The following PCDHGB1 variants were observed in gnomAD, a reference collection of about 807,000 sequenced individuals.
PCDHGB1 encodes the protein protocadherin gamma-B1.
PCDHGB1 carries 34 observed loss-of-function variants against 56.6 expected under a neutral mutation model. The observed-to-expected ratio is 0.60, with a 90% CI of 0.46 to 0.80. PCDHGB1 has a LOEUF of 0.80. Among genes scored for constraint, PCDHGB1 ranks in the 30% least tolerant of loss-of-function variants. The pLI is 0.00. For missense variants in PCDHGB1, 1,278 were observed against 1,204.6 expected (o/e 1.06, Z -0.90); for synonymous variants, 561 against 505.9 (o/e 1.11, Z -1.46).
At chr5:141,460,983 G>GTGTGTA (rs1554142949) in intron 1 of PCDHGB1, among the ~76,000 whole-genome samples, 82 of 137,842 alleles carry the variant, frequency 5.9e-4, no homozygotes, top group African/African-American at 1.9e-3. Flanking sequence ...GTGTGTGTGT[G>GTGTGTA]TATATATATA....
In PCDHGB1 at chr5:141,495,049, T is replaced by G. The variant is rs543734863; in HGVS notation, c.2468+184T>G. ...CCCCGGAAGGAAGAGGCGACTGCCC[T>G]GACTGTTCAGGAAGCTCAATTCACA... On this transcript the variant is annotated intron_variant, in intron 2 of 3. Coordinates refer to ENST00000523390, the MANE Select transcript of PCDHGB1 (RefSeq NM_018922.3). Among the ~76,000 whole-genome samples the G allele has an allele frequency of 5.6e-4, 86 of 152,312 alleles. 1 individual carries two copies. Among genetic ancestry groups the G allele is most frequent in the African/African-American group, 1.6e-3 (65 of 41,578 alleles).
intron 1 of PCDHGB1, chr5:141,492,005 C>A (rs1444993907): frequency 3.1e-6 from 2 of 642,268 alleles, no homozygotes; most frequent in African/African-American, 3.8e-5. Flanking sequence ...GGGCGATTTC[C>A]GCGGGTGTCG....
chr5:141,492,894 G>A (rs2099744893), intron 1 of PCDHGB1, among the ~76,000 whole-genome samples: 1 of 152,202 alleles, frequency 6.6e-6, no homozygotes, highest in Admixed American at 6.5e-5. Flanking sequence ...GGCTTTTGGC[G>A]CCGTCGTGAT....
intron 1 of PCDHGB1, chr5:141,475,850 G>A (rs2099376325): frequency 1.9e-5 from 9 of 464,524 alleles, no homozygotes; most frequent in Middle Eastern, 5.9e-4. Context: ...AGAGAGCCCG[G>A]CGCTAGCTCA....
At position 141,351,964 on chromosome 5, in the gene PCDHGB1, C is replaced by T. The variant is rs1422191301; in HGVS notation, c.1704C>T (p.Ser568=). 5.6e-6 allele frequency: 9 copies of T among 1,612,616 alleles called. No individual in the cohort carries two copies. The highest frequency in any genetic ancestry group is 1.7e-5 in the Admixed American group (1 of 59,978). ...VLYPALGPDG[S]ALFDMVPRAA... Reference sequence around the variant, plus strand: ...ACCCCGCGCTGGGGCCTGATGGCTCCGCCCTCTTCGATATGGTGCCACGCG... The same window carrying T: ...ACCCCGCGCTGGGGCCTGATGGCTCTGCCCTCTTCGATATGGTGCCACGCG... The change falls in exon 1 of 4, where the codon TCC becomes TCT. Residue 568 remains serine, a synonymous_variant. Transcript: ENST00000523390.
At chr5:141,366,786 A>T in intron 1 of PCDHGB1, 3 of 1,575,572 alleles carry the variant, frequency 1.9e-6, no homozygotes, top group Non-Finnish European at 2.6e-6. Context: ...TGACCAGAAC[A>T]TTTTCATTTG....
In PCDHGB1 at chr5:141,511,112, G is replaced by C. The variant is rs767257788; in HGVS notation, c.2723G>C (p.Gly908Ala). The change falls in exon 4 of 4, where the codon GGC becomes GCC. Residue 908 changes from glycine (G) to alanine (A), a missense_variant. Coordinates refer to ENST00000523390, the MANE Select transcript of PCDHGB1 (RefSeq NM_018922.3). ...TLTNAAGKRD[G>A]KAPAGGNGNK... The stretch of plus-strand genomic sequence containing the variant: ...ACCAACGCAGCTGGCAAGCGGGATG[G>C]CAAGGCCCCAGCAGGTGGCAATGGC... The C allele has an allele frequency of 4.3e-6, 7 of 1,614,232 alleles. No homozygotes were observed. Among genetic ancestry groups the C allele is most frequent in the Non-Finnish European group, 5.9e-6 (7 of 1,180,024 alleles).
rs760676891 is a variant in PCDHGB1, at chr5:141,413,180, CCGCTCAAAGGAAT to C, written c.2409+60526_2409+60538del. The C allele has an allele frequency of 6.9e-5, 111 of 1,602,612 alleles. No individual in the cohort carries two copies. The East Asian group carries it at 9.6e-4, about 14-fold the overall frequency. ...GAATTCTGTAACCAGACTACAATGG[CCGCTCAAAGGAAT>C]CGCTCAAAGGAATCAAAGGATTGCA... On this transcript the variant is annotated intron_variant, in intron 1 of 3. Transcript: ENST00000523390.
In PCDHGB1 at chr5:141,409,431, T is replaced by C. The variant is rs191277647; in HGVS notation, c.2409+56762T>C. 41 of 1,614,006 alleles carry C rather than the reference T, an allele frequency of 2.5e-5. No homozygotes were observed. In the African/African-American group the frequency reaches 3.9e-4, roughly 15 times the overall value. Reference sequence around the variant, plus strand: ...TACAAACTGGTGACAGATGGAGCCCTGGACCGAGAGCAGACACCAGAATAC... The same window carrying C: ...TACAAACTGGTGACAGATGGAGCCCCGGACCGAGAGCAGACACCAGAATAC... On this transcript the variant is annotated intron_variant, in intron 1 of 3. Transcript: ENST00000523390.
chr5:141,350,551 T>A lies in PCDHGB1; in HGVS notation c.291T>A (p.Leu97=). The A allele has an allele frequency of 1.2e-6, 2 of 1,614,040 alleles. No individual in the cohort carries two copies. The highest frequency in any genetic ancestry group is 1.7e-6 in the Non-Finnish European group (2 of 1,179,896). Residue 97 remains leucine (L), a synonymous_variant, in exon 1 of 4, where the codon CTT becomes CTA. Coordinates refer to ENST00000523390, the MANE Select transcript of PCDHGB1 (RefSeq NM_018922.3). ...GAGAGAAGATTTGCGGAAGGAAACTTGAGTGTGCACTAGAATTCGAAACGG... is the reference window on the plus strand; with the variant it reads ...GAGAGAAGATTTGCGGAAGGAAACTAGAGTGTGCACTAGAATTCGAAACGG... ...IDREKICGRK[L]ECALEFETVA...
Position 141,350,193 on chromosome 5 carries a change from T to C in PCDHGB1, c.-68T>C, listed in dbSNP as rs987250508. The C allele has an allele frequency of 7.1e-7, 1 of 1,401,174 alleles. No homozygotes were observed. Among genetic ancestry groups the C allele is most frequent in the Admixed American group, 2.8e-5 (1 of 35,364 alleles). 86.8% of individuals were successfully genotyped at this position (1,401,174 alleles called of 1,614,324 possible). A position where few individuals can be genotyped will look rare whatever the true frequency, so the allele number is the denominator to read the frequency against. On this transcript the variant is annotated 5_prime_UTR_variant, in exon 1 of 4. Coordinates refer to ENST00000523390, the MANE Select transcript of PCDHGB1 (RefSeq NM_018922.3). The stretch of plus-strand genomic sequence containing the variant: ...AAGTCCTAAGCTCAAATCACAGAAG[T>C]CCAGGGTGCTGCCATTTCTTTTTGA...
In PCDHGB1 at chr5:141,365,249, C is replaced by T. The variant is rs1445885867; in HGVS notation, c.2409+12580C>T. On this transcript the variant is annotated intron_variant, in intron 1 of 3. Coordinates refer to ENST00000523390, the MANE Select transcript of PCDHGB1 (RefSeq NM_018922.3). ...GGGGGAAATCTCAACTCTACAATCACTGGACTATGAAGAATCCAGATTCTA... is the reference window on the plus strand; with the variant it reads ...GGGGGAAATCTCAACTCTACAATCATTGGACTATGAAGAATCCAGATTCTA... The T allele has an allele frequency of 2.5e-6, 4 of 1,613,860 alleles. No individual in the cohort carries two copies. In the East Asian group the frequency reaches 8.9e-5, roughly 36 times the overall value.
intron 1 of PCDHGB1, chr5:141,390,095 TC>T (rs1456939693): frequency 6.2e-7 from 1 of 1,613,972 alleles, no homozygotes; most frequent in Non-Finnish European, 8.5e-7. Context: ...AATCCGTGGT[TC>T]CCCCCAACTA....
chr5:141,389,790 G>C (rs1328126483), intron 1 of PCDHGB1: 1 of 1,613,470 alleles, frequency 6.2e-7, no homozygotes, highest in South Asian at 1.1e-5. Context: ...CAGGGACGCC[G>C]TCCGCCAGCG....
rs772444495 is a variant in PCDHGB1 at position 141,491,766 on chromosome 5, T to C, written c.2410-3041T>C. 14 of 1,567,738 alleles carry C rather than the reference T, an allele frequency of 8.9e-6. No homozygotes were observed. The African/African-American group carries it at 1.6e-4, about 18-fold the overall frequency. ...GCACTGGAGAAGCCGCCCGTCCTCA[T>C]AAGGGATTGAACTTGCATCCACTCC... On this transcript the variant is annotated intron_variant, in intron 1 of 3. Coordinates refer to ENST00000523390, the MANE Select transcript of PCDHGB1 (RefSeq NM_018922.3). The surrounding 1 kb of genome is among the most constrained non-coding windows in gnomAD (Gnocchi z 6.9).
chr5:141,474,703 C>A (rs2099353282), intron 1 of PCDHGB1, among the ~76,000 whole-genome samples: 1 of 152,188 alleles, frequency 6.6e-6, no homozygotes, highest in African/African-American at 2.4e-5. Flanking sequence ...GTTCAAGGTT[C>A]TATTATACTT....
chr5:141,415,907 T>C, intron 1 of PCDHGB1: 1 of 779,592 alleles, frequency 1.3e-6, no homozygotes. Context: ...CAGACTTCCA[T>C]ACAGAAGTGC....
At chr5:141,397,361 G>A (rs2093513931) in intron 1 of PCDHGB1, among the ~76,000 whole-genome samples, 1 of 152,164 alleles carries the variant, frequency 6.6e-6, no homozygotes. Flanking sequence ...TCAGGAAGAG[G>A]AGATGTTTGG....
chr5:141,491,763 T>C lies in PCDHGB1; in HGVS notation c.2410-3044T>C. 1 of 1,570,222 alleles carries C rather than the reference T, an allele frequency of 6.4e-7. No homozygotes were observed. Among genetic ancestry groups the C allele is most frequent in the Non-Finnish European group, 8.6e-7 (1 of 1,159,286 alleles). Reference sequence around the variant, plus strand: ...GCGGCACTGGAGAAGCCGCCCGTCCTCATAAGGGATTGAACTTGCATCCAC... The same window carrying C: ...GCGGCACTGGAGAAGCCGCCCGTCCCCATAAGGGATTGAACTTGCATCCAC... On this transcript the variant is annotated intron_variant, in intron 1 of 3. Coordinates refer to ENST00000523390, the MANE Select transcript of PCDHGB1 (RefSeq NM_018922.3). The surrounding 1 kb of genome is among the most constrained non-coding windows in gnomAD (Gnocchi z 6.9).
Sources: gnomAD v4.1 joint callset for allele counts (sites outside exome capture counted in the v4.1 genomes callset) on GRCh38, gnomAD v4.1.1 for gene constraint, Gnocchi (gnomAD v3.1) non-coding constraint, MANE v1.5 for transcripts, NCBI Gene and HGNC (gene_info 2026-07-23, HGNC 2026-07-21) for gene names.